Variants in CTNNA3 observed in about 807,000 individuals in gnomAD.
CTNNA3 encodes the protein catenin alpha-3.
Under a neutral mutation model 95.7 loss-of-function variants are expected in CTNNA3, and 76 were observed. The observed-to-expected ratio is 0.79, with a 90% CI of 0.66 to 0.96. CTNNA3 has a LOEUF of 0.96. Ranked by LOEUF, CTNNA3 falls within the 40% of genes least tolerant of loss-of-function variation. The pLI is 0.00. For synonymous variants in CTNNA3, 431 were observed against 374.4 expected (o/e 1.15, Z -1.74); for missense variants, 1,191 against 1,089.8 (o/e 1.09, Z -1.31).
chr10:66,413,367 C>T (rs1187352165), intron 11 of CTNNA3, among the ~76,000 whole-genome samples: 1 of 140,978 alleles, frequency 7.1e-6, no homozygotes, highest in Non-Finnish European at 1.6e-5. Context: ...TTTAAAAAGC[C>T]CTGCACTAGA....
chr10:66,956,876 T>TA (rs1848817943), intron 7 of CTNNA3, among the ~76,000 whole-genome samples: 3 of 152,204 alleles, frequency 2.0e-5, no homozygotes, highest in Non-Finnish European at 4.4e-5. Flanking sequence ...GGCCTCATCC[T>TA]CCTACGGGAC....
chr10:67,760,998 G>A (rs142132729), intron 1 of CTNNA3, among the ~76,000 whole-genome samples: 47 of 152,174 alleles, frequency 3.1e-4, no homozygotes, highest in Non-Finnish European at 3.5e-4. Flanking sequence ...AAACCATCCC[G>A]TGGAAAATTA....
intron 7 of CTNNA3, among the ~76,000 whole-genome samples, chr10:67,170,024 C>T (rs889918611): frequency 6.6e-6 from 1 of 152,126 alleles, no homozygotes; most frequent in Non-Finnish European, 1.5e-5. Flanking sequence ...AAGAAAAGCT[C>T]AATAACACTG....
chr10:66,900,470 C>T (rs868166204), intron 7 of CTNNA3, among the ~76,000 whole-genome samples: 15 of 152,288 alleles, frequency 9.8e-5, no homozygotes, highest in Middle Eastern at 3.4e-3. Flanking sequence ...TCTTCTCCCC[C>T]AGAGGATCAC....
chr10:66,464,269 T>C (rs2131855648), intron 11 of CTNNA3, among the ~76,000 whole-genome samples: 1 of 152,268 alleles, frequency 6.6e-6, no homozygotes, highest in East Asian at 1.9e-4. Flanking sequence ...CTAAAGAATC[T>C]AAATGTAGTT....
At chr10:67,393,356 C>T in intron 5 of CTNNA3, among the ~76,000 whole-genome samples, 1 of 152,092 alleles carries the variant, frequency 6.6e-6, no homozygotes, top group Non-Finnish European at 1.5e-5. Flanking sequence ...TTCTTCATAG[C>T]ATGGATAATA....
chr10:66,773,053 TA>T (rs1165382641), intron 8 of CTNNA3, among the ~76,000 whole-genome samples: 1 of 152,192 alleles, frequency 6.6e-6, no homozygotes, highest in Non-Finnish European at 1.5e-5. Flanking sequence ...AGATAACTTA[TA>T]TTGCTGTTTT....
At chr10:66,034,521 A>C (rs1477414773) in intron 15 of CTNNA3, among the ~76,000 whole-genome samples, 1 of 152,208 alleles carries the variant, frequency 6.6e-6, no homozygotes, top group Non-Finnish European at 1.5e-5. Flanking sequence ...CCCTGTGCTC[A>C]GTGACAGGAA....
At chr10:66,397,005 C>T (rs867784168) in intron 11 of CTNNA3, among the ~76,000 whole-genome samples, 57 of 151,404 alleles carry the variant, frequency 3.8e-4, no homozygotes, top group African/African-American at 1.3e-3. Flanking sequence ...TGAAAAAAAT[C>T]AGGCTATGTA....
intron 1 of CTNNA3, among the ~76,000 whole-genome samples, chr10:67,648,176 A>G (rs113054356): frequency 0.037 from 5,680 of 152,272 alleles, 177 homozygotes; most frequent in Non-Finnish European, 0.06. Context: ...GCCATTCTCT[A>G]AGGCATTAAC....
intron 9 of CTNNA3, among the ~76,000 whole-genome samples, chr10:66,717,252 G>A (rs1033924176): frequency 6.6e-6 from 1 of 152,030 alleles, no homozygotes; most frequent in Admixed American, 6.6e-5. Context: ...ATTCCTTTTG[G>A]AGGACCCCGA....
chr10:65,923,742 G>T (rs1274933816), intron 17 of CTNNA3, among the ~76,000 whole-genome samples: 6 of 152,092 alleles, frequency 3.9e-5, no homozygotes, highest in African/African-American at 1.2e-4. Flanking sequence ...GTTAGAATGT[G>T]ACAACAAAAG....
At chr10:65,949,629 C>CTT (rs1227199448) in intron 17 of CTNNA3, among the ~76,000 whole-genome samples, 3 of 152,128 alleles carry the variant, frequency 2.0e-5, no homozygotes, top group Non-Finnish European at 4.4e-5. Flanking sequence ...TAATCTAAGT[C>CTT]TGAGACTAGC....
At chr10:67,196,452 A>G (rs1372887511) in intron 6 of CTNNA3, among the ~76,000 whole-genome samples, 1 of 152,076 alleles carries the variant, frequency 6.6e-6, no homozygotes, top group East Asian at 1.9e-4. Context: ...GATACTCAAT[A>G]TACTTATCAA....
intron 3 of CTNNA3, among the ~76,000 whole-genome samples, chr10:67,585,858 CCTG>C (rs1238394954): frequency 6.6e-6 from 1 of 151,464 alleles, no homozygotes; most frequent in African/African-American, 2.4e-5. Flanking sequence ...TTTCTTTTTT[CCTG>C]CTAATTTGGG....
intron 9 of CTNNA3, among the ~76,000 whole-genome samples, chr10:66,682,781 T>C (rs946271324): frequency 6.6e-6 from 1 of 152,092 alleles, no homozygotes; most frequent in Non-Finnish European, 1.5e-5. Flanking sequence ...TAAATAATTA[T>C]ACAAACAAAA....
chr10:66,369,895 C>T (rs7922816), intron 12 of CTNNA3, among the ~76,000 whole-genome samples: 64,288 of 151,386 alleles, frequency 0.42, 15,825 homozygotes, highest in Non-Finnish European at 0.56. Flanking sequence ...TATAATTATA[C>T]CCATTGTAAC....
At chr10:67,458,412 A>C (rs1847250606) in intron 5 of CTNNA3, among the ~76,000 whole-genome samples, 1 of 152,152 alleles carries the variant, frequency 6.6e-6, no homozygotes, top group Admixed American at 6.5e-5. Context: ...AGCTTGTACA[A>C]GAATACTTGT....
intron 5 of CTNNA3, among the ~76,000 whole-genome samples, chr10:67,270,232 G>A (rs1473212729): frequency 6.6e-6 from 1 of 151,632 alleles, no homozygotes; most frequent in African/African-American, 2.4e-5. Flanking sequence ...GAATCTATTA[G>A]GATAGGCACA....
Sources: gnomAD v4.1 joint callset for allele counts (sites outside exome capture counted in the v4.1 genomes callset) on GRCh38, gnomAD v4.1.1 for gene constraint, MANE v1.5 for transcripts, NCBI Gene and HGNC (gene_info 2026-07-23, HGNC 2026-07-21) for gene names.